Variants in PLCB4 observed in about 807,000 individuals in gnomAD.
PLCB4 encodes 1-phosphatidylinositol 4,5-bisphosphate phosphodiesterase beta-4.
PLCB4 carries 77 observed loss-of-function variants against 178.8 expected under a neutral mutation model. The observed-to-expected ratio is 0.43, with a 90% CI of 0.36 to 0.52. The LOEUF (loss-of-function observed/expected upper bound fraction) is 0.52. Among genes scored for constraint, PLCB4 ranks in the 20% least tolerant of loss-of-function variants. The probability of loss-of-function intolerance (pLI) is 0.00; values close to 1 mark genes in which losing one functional copy is unlikely to be tolerated. For synonymous variants in PLCB4, 496 were observed against 490.8 expected (o/e 1.01, Z -0.14); for missense variants, 1,024 against 1,453.4 (o/e 0.70, Z 4.80).
intron 3 of PLCB4, among the ~76,000 whole-genome samples, chr20:9,251,783 TACATAATGCTAGCC>T (rs1168219945): frequency 6.6e-6 from 1 of 152,168 alleles, no homozygotes; most frequent in African/African-American, 2.4e-5. Flanking sequence ...GTTTAAAAAA[TACATAATGCTAGCC>T]ACATACATAA....
intron 4 of PLCB4, among the ~76,000 whole-genome samples, chr20:9,316,190 C>A (rs78789178): frequency 0.027 from 4,074 of 152,172 alleles, 181 homozygotes; most frequent in African/African-American, 0.094. Context: ...TCATCAGCAC[C>A]ACCCAGAACC....
At chr20:9,190,740 A>G (rs754681866) in intron 2 of PLCB4, among the ~76,000 whole-genome samples, 28 of 152,118 alleles carry the variant, frequency 1.8e-4, no homozygotes, top group Non-Finnish European at 4.0e-4. Flanking sequence ...GGACATTGAG[A>G]GCTTGGTTTG....
chr20:9,112,091 A>C (rs2146695679), intron 2 of PLCB4, among the ~76,000 whole-genome samples: 1 of 152,282 alleles, frequency 6.6e-6, no homozygotes, highest in African/African-American at 2.4e-5. Flanking sequence ...TACTTTCATT[A>C]TCACAAAAAT....
At position 9,272,542 on chromosome 20, in the gene PLCB4, C is replaced by T. The variant is rs567527664; in HGVS notation, c.-15-35258C>T. Among the ~76,000 whole-genome samples the T allele has an allele frequency of 8.5e-5, 13 of 152,214 alleles. No homozygotes were observed. The East Asian group carries it at 2.5e-3, about 30-fold the overall frequency. On this transcript the variant is annotated intron_variant, in intron 3 of 39. Transcript: ENST00000378473. ...TCCTCTCCTCCCCTCATTCCTCCTC[C>T]ACCCTGAATTACATGCAAGCCTGGA...
At chr20:9,277,548 CCAGTTTAT>C (rs1017111204) in intron 3 of PLCB4, among the ~76,000 whole-genome samples, 1 of 151,982 alleles carries the variant, frequency 6.6e-6, no homozygotes, top group Non-Finnish European at 1.5e-5. Flanking sequence ...AGTCTAATTA[CCAGTTTAT>C]TAGCTGTTAA....
At chr20:9,380,896 C>T (rs542402642) in intron 13 of PLCB4, among the ~76,000 whole-genome samples, 8 of 152,172 alleles carry the variant, frequency 5.3e-5, no homozygotes, top group Admixed American at 2.6e-4. Context: ...CCCGTATGTC[C>T]GTGAATCTCA....
chr20:9,315,606 G>A (rs907997791), intron 4 of PLCB4, among the ~76,000 whole-genome samples: 2 of 152,116 alleles, frequency 1.3e-5, no homozygotes, highest in African/African-American at 2.4e-5. Flanking sequence ...CTATTCAGGA[G>A]GTGGCATTTG....
chr20:9,168,844 T>A (rs1337785698), intron 2 of PLCB4, among the ~76,000 whole-genome samples: 2 of 152,124 alleles, frequency 1.3e-5, no homozygotes, highest in Non-Finnish European at 2.9e-5. Context: ...TGTGTGGGAT[T>A]GTCACCTCTG....
chr20:9,331,943 G>A (rs1033987771), intron 4 of PLCB4, among the ~76,000 whole-genome samples: 2 of 152,166 alleles, frequency 1.3e-5, no homozygotes, highest in African/African-American at 4.8e-5. Context: ...TGCTTAAGTA[G>A]TTTCACAAAA....
intron 14 of PLCB4, among the ~76,000 whole-genome samples, chr20:9,384,864 G>A (rs974355665): frequency 2.0e-5 from 3 of 149,352 alleles, no homozygotes; most frequent in African/African-American, 7.4e-5. Flanking sequence ...AGAGGGGGAT[G>A]TGGCAGGGTC....
chr20:9,266,000 A>G (rs921094735), intron 3 of PLCB4, among the ~76,000 whole-genome samples: 1 of 152,218 alleles, frequency 6.6e-6, no homozygotes, highest in African/African-American at 2.4e-5. Context: ...GTACTTGGAA[A>G]AAAGAAAGTT....
intron 2 of PLCB4, among the ~76,000 whole-genome samples, chr20:9,204,587 T>G (rs1348008039): frequency 6.6e-6 from 1 of 152,110 alleles, no homozygotes; most frequent in Non-Finnish European, 1.5e-5. Context: ...GGTCTTGAAC[T>G]CCTGACCTCA....
chr20:9,102,926 C>T (rs913439828), intron 2 of PLCB4, among the ~76,000 whole-genome samples: 28 of 152,042 alleles, frequency 1.8e-4, no homozygotes, highest in African/African-American at 6.5e-4. Flanking sequence ...TCCATATAAG[C>T]TATGAAGGCA....
chr20:9,421,046 A>G (rs934275011), intron 26 of PLCB4, among the ~76,000 whole-genome samples: 5 of 147,210 alleles, frequency 3.4e-5, no homozygotes, highest in African/African-American at 1.3e-4. Flanking sequence ...TGATTCATAT[A>G]TATTTTTTCT....
chr20:9,152,667 G>T (rs542963526), intron 2 of PLCB4, among the ~76,000 whole-genome samples: 2 of 152,308 alleles, frequency 1.3e-5, no homozygotes, highest in Non-Finnish European at 2.9e-5. Context: ...TTCTGCTAGG[G>T]CATCGTGGAA....
chr20:9,152,399 G>A (rs1030180124), intron 2 of PLCB4, among the ~76,000 whole-genome samples: 5 of 152,262 alleles, frequency 3.3e-5, no homozygotes, highest in East Asian at 3.9e-4. Context: ...CCTGTGTGGT[G>A]TACAGCCTAG....
chr20:9,309,071 A>T (rs936464647), intron 4 of PLCB4, among the ~76,000 whole-genome samples: 4 of 152,142 alleles, frequency 2.6e-5, no homozygotes, highest in African/African-American at 9.7e-5. Flanking sequence ...AATATAAAGC[A>T]GATCCCATTT....
intron 20 of PLCB4, among the ~76,000 whole-genome samples, chr20:9,402,605 G>C (rs2087653278): frequency 6.6e-6 from 1 of 152,212 alleles, no homozygotes; most frequent in African/African-American, 2.4e-5. Context: ...GTGGAAGCAG[G>C]AAAAGCAGTG....
intron 3 of PLCB4, among the ~76,000 whole-genome samples, chr20:9,234,310 G>C (rs1401432746): frequency 6.6e-6 from 1 of 152,130 alleles, no homozygotes. Flanking sequence ...ATATGAGTCT[G>C]GAGCAGTCAG....
Sources: gnomAD v4.1 joint callset for allele counts (sites outside exome capture counted in the v4.1 genomes callset) on GRCh38, gnomAD v4.1.1 for gene constraint, MANE v1.5 for transcripts, NCBI Gene and HGNC (gene_info 2026-07-23, HGNC 2026-07-21) for gene names.